Variants in RPL7L1 observed in about 807,000 individuals in gnomAD.
RPL7L1 encodes ribosomal protein uL30-like.
RPL7L1 carries 20 observed loss-of-function variants against 30.3 expected under a neutral mutation model. The observed-to-expected ratio is 0.66, with a 90% CI of 0.46 to 0.96. The LOEUF is 0.96. Ranked by LOEUF, RPL7L1 falls within the 40% of genes least tolerant of loss-of-function variation. The probability of loss-of-function intolerance (pLI) is 0.00; values close to 1 mark genes in which losing one functional copy is unlikely to be tolerated. For missense variants in RPL7L1, 271 were observed against 314.9 expected (o/e 0.86, Z 1.05); for synonymous variants, 107 against 110.1 (o/e 0.97, Z 0.18).
At chr6:42,886,235 C>A (rs775242691) in intron 5 of RPL7L1, 21 bp from the exon 6 acceptor site, 24 of 1,597,642 alleles carry the variant, frequency 1.5e-5, no homozygotes, top group Non-Finnish European at 2.1e-5. Flanking sequence ...ATAAAGGAAT[C>A]TGTGCTTTTG....
intron 4 of RPL7L1, among the ~76,000 whole-genome samples, chr6:42,885,095 C>A (rs144829774): frequency 6.6e-6 from 1 of 152,020 alleles, no homozygotes; most frequent in Non-Finnish European, 1.5e-5. Context: ...TTTGGGAGGC[C>A]GAGGCGGGTG....
intron 3 of RPL7L1, among the ~76,000 whole-genome samples, chr6:42,884,111 GA>G (rs1766178922): frequency 1.3e-5 from 2 of 151,992 alleles, no homozygotes; most frequent in Admixed American, 1.3e-4. Flanking sequence ...ACCCAAACCA[GA>G]AACCTGTGGA....
intron 4 of RPL7L1, among the ~76,000 whole-genome samples, chr6:42,885,186 A>G (rs1449672493): frequency 1.3e-5 from 2 of 151,674 alleles, no homozygotes; most frequent in Non-Finnish European, 2.9e-5. Flanking sequence ...TGTCTCTACT[A>G]AAATACAAAA....
intron 1 of RPL7L1, 88 bp from the exon 2 acceptor site, chr6:42,880,773 A>G (rs1766043326): frequency 1.5e-6 from 1 of 688,438 alleles, no homozygotes; most frequent in Non-Finnish European, 2.5e-6. Context: ...TCGGCCTCCC[A>G]GAGTGCTGGG....
intron 2 of RPL7L1, 59 bp downstream of exon 2, chr6:42,881,025 G>A (rs1766056388): frequency 8.9e-6 from 8 of 903,860 alleles, no homozygotes; most frequent in Admixed American, 1.9e-5. Flanking sequence ...GTTTTATCCC[G>A]CATGTGTTGG....
intron 2 of RPL7L1, chr6:42,882,733 C>CT (rs1491471718): frequency 6.6e-6 from 1 of 152,004 alleles, no homozygotes; most frequent in Non-Finnish European, 1.5e-5. Flanking sequence ...CAAGGTGACC[C>CT]TGTCTCTACT....
intron 2 of RPL7L1, 37 bp from the exon 3 acceptor site, chr6:42,883,414 G>C (rs779817802): frequency 6.6e-7 from 1 of 1,507,580 alleles, no homozygotes; most frequent in Non-Finnish European, 8.9e-7. Context: ...AATGTATGGA[G>C]GCACAAGATG....
intron 2 of RPL7L1, 107 bp downstream of exon 2, chr6:42,881,073 G>T: frequency 1.5e-6 from 1 of 681,132 alleles, no homozygotes. Flanking sequence ...CCAACGGTTT[G>T]ACAGACCAGG....
In RPL7L1 at chr6:42,879,966, C is replaced by A; in HGVS notation, c.41+15C>A. 6.2e-7 allele frequency: 1 copy of A among 1,613,612 alleles called. No homozygotes were observed. The highest frequency in any genetic ancestry group is 8.5e-7 in the Non-Finnish European group (1 of 1,179,554). On this transcript the variant is annotated intron_variant, in intron 1 of 5. Transcript: ENST00000493763. ...GCGGAGCAAGAGTGAGTGTTTGGGG[C>A]TTTGAATATCTGGAGTGGGGTCTTG...
rs1766300130 is a variant in RPL7L1 at position 42,887,080 on chromosome 6, TGAA to T, written c.*619_*621del. The T allele has an allele frequency of 6.6e-6, 1 of 152,122 alleles. No homozygotes were observed. Among genetic ancestry groups the T allele is most frequent in the African/African-American group, 2.4e-5 (1 of 41,402 alleles). The allele number at this position is 152,122 out of a possible 1,614,324, so 9.4% of individuals were successfully genotyped here. On this transcript the variant is annotated 3_prime_UTR_variant, in exon 6 of 6. Coordinates refer to ENST00000493763, the MANE Select transcript of RPL7L1 (RefSeq NM_001366481.3). Reference sequence around the variant, plus strand: ...TTAATAACTGATTTCAAAAAGGACTTGAAGATGTGAATCATCTATTTTGCTGAA... The same window carrying T: ...TTAATAACTGATTTCAAAAAGGACTTGATGTGAATCATCTATTTTGCTGAA...
chr6:42,880,312 T>C (rs974777534), intron 1 of RPL7L1, among the ~76,000 whole-genome samples: 5 of 152,146 alleles, frequency 3.3e-5, no homozygotes, highest in African/African-American at 7.2e-5. Context: ...TGTTAACTTA[T>C]ACGAACCCAG....
chr6:42,882,046 C>G (rs1028453605), intron 2 of RPL7L1: 1 of 151,780 alleles, frequency 6.6e-6, no homozygotes, highest in Non-Finnish European at 1.5e-5. Flanking sequence ...CTGATGTCAG[C>G]CACCCCACCC....
rs1766155902 is a variant in RPL7L1, at chr6:42,883,561, T to C, written c.258T>C (p.His86=). The C allele has an allele frequency of 6.2e-7, 1 of 1,606,104 alleles. No homozygotes were observed. Among genetic ancestry groups the C allele is most frequent in the Non-Finnish European group, 8.5e-7 (1 of 1,177,434 alleles). Residue 86 remains histidine, a synonymous_variant, in exon 3 of 6, where the codon CAT becomes CAC. Transcript: ENST00000493763. The stretch of plus-strand genomic sequence containing the variant: ...TCAGACGACTAGAAGTGAAACCTCA[T>C]GCCTTGGAATTGCCAGATAAACATT... ...VRLRRLEVKP[H]ALELPDKHSL...
At chr6:42,883,982 C>T (rs1432688884) in intron 3 of RPL7L1, 1 of 159,650 alleles carries the variant, frequency 6.3e-6, no homozygotes, top group African/African-American at 2.4e-5. Flanking sequence ...TGAAACAAGG[C>T]TGAGTGGATG....
In RPL7L1 at chr6:42,880,802, C is replaced by T. The variant is rs549027167; in HGVS notation, c.42-59C>T. On this transcript the variant is annotated intron_variant, in intron 1 of 5. Transcript: ENST00000493763. Reference sequence around the variant, plus strand: ...TGCTGGGATTACAGGCTTGAGCCACCGAGCCCGGCCAAGTGTTCTTTTCTA... The same window carrying T: ...TGCTGGGATTACAGGCTTGAGCCACTGAGCCCGGCCAAGTGTTCTTTTCTA... The T allele has an allele frequency of 6.1e-5, 60 of 990,362 alleles. No individual in the cohort carries two copies. The African/African-American group carries it at 8.4e-4, about 14-fold the overall frequency. 61.3% of individuals were successfully genotyped at this position (990,362 alleles called of 1,614,324 possible). A position where few individuals can be genotyped will look rare whatever the true frequency, so the allele number is the denominator to read the frequency against.
Position 42,879,961 on chromosome 6 carries a change from T to G in RPL7L1, c.41+10T>G, listed in dbSNP as rs1188194417. On this transcript the variant is annotated intron_variant, in intron 1 of 5. Coordinates refer to ENST00000493763, the MANE Select transcript of RPL7L1 (RefSeq NM_001366481.3). ...AGATGGCGGAGCAAGAGTGAGTGTT[T>G]GGGGCTTTGAATATCTGGAGTGGGG... The G allele has an allele frequency of 6.2e-7, 1 of 1,614,014 alleles. No homozygotes were observed. The highest frequency in any genetic ancestry group is 1.1e-5 in the South Asian group (1 of 91,084).
rs1766241454 is a variant in RPL7L1, at chr6:42,885,671, A to T, written c.450-303A>T. On this transcript the variant is annotated intron_variant, in intron 4 of 5. Transcript: ENST00000493763. Reference sequence around the variant, plus strand: ...ACCATCTTGAGTAGAGGGTCACCTAAGGCCAGAGTCGTAGCCCCTAAGGTA... The same window carrying T: ...ACCATCTTGAGTAGAGGGTCACCTATGGCCAGAGTCGTAGCCCCTAAGGTA... 1.1e-5 allele frequency: 3 copies of T among 277,148 alleles called. No individual in the cohort carries two copies. In the Admixed American group the frequency reaches 1.3e-4, roughly 12 times the overall value. The allele number at this position is 277,148 out of a possible 1,614,324, so 17.2% of individuals were successfully genotyped here.
chr6:42,885,908 A>G, intron 4 of RPL7L1, 66 bp from the exon 5 acceptor site: 1 of 841,768 alleles, frequency 1.2e-6, no homozygotes, highest in Non-Finnish European at 2.1e-6. Flanking sequence ...CCTCTCAGCC[A>G]GGCTGCAGGA....
rs1766359836 is a variant in RPL7L1, at chr6:42,888,404, A to G, written c.*1940A>G. The stretch of plus-strand genomic sequence containing the variant: ...AACTCCTGACCTCAAGTGATCCACA[A>G]GCCTGGGCCTCCCAAAGTGCTGGGA... On this transcript the variant is annotated 3_prime_UTR_variant, in exon 6 of 6. Coordinates refer to ENST00000493763, the MANE Select transcript of RPL7L1 (RefSeq NM_001366481.3). 1 of 152,240 alleles carries G rather than the reference A, an allele frequency of 6.6e-6. No individual in the cohort carries two copies. The allele number at this position is 152,240 out of a possible 1,614,324, so 9.4% of individuals were successfully genotyped here.
Sources: gnomAD v4.1 joint callset for allele counts (sites outside exome capture counted in the v4.1 genomes callset) on GRCh38, gnomAD v4.1.1 for gene constraint, MANE v1.5 for transcripts, NCBI Gene and HGNC (gene_info 2026-07-23, HGNC 2026-07-21) for gene names.